EFHD2: variants seen among roughly 807,000 people sequenced by gnomAD.
EFHD2 encodes the protein EF-hand domain family member D2, also known as EF-hand domain-containing protein D2.
A neutral mutation model predicts 20.3 loss-of-function variants in EFHD2; 12 were observed. The ratio of observed to expected loss-of-function variants is 0.59; its 90% confidence interval spans 0.38 to 0.96. The LOEUF (loss-of-function observed/expected upper bound fraction) is 0.96. EFHD2 is among the 40% of genes least tolerant of loss of function. EFHD2 has a pLI of 0.00. For missense variants in EFHD2, 250 were observed against 334.3 expected (o/e 0.75, Z 1.97); for synonymous variants, 131 against 143.9 (o/e 0.91, Z 0.64).
intron 1 of EFHD2, among the ~76,000 whole-genome samples, chr1:15,414,899 T>C (rs554704593): frequency 1.3e-5 from 2 of 152,200 alleles, no homozygotes; most frequent in East Asian, 3.9e-4. Flanking sequence ...GGGTGCACAA[T>C]GGGGATTCCC....
intron 1 of EFHD2, among the ~76,000 whole-genome samples, chr1:15,412,552 G>A (rs1039768586): frequency 7.2e-5 from 11 of 152,070 alleles, no homozygotes; most frequent in African/African-American, 2.7e-4. Flanking sequence ...TCCAACACCC[G>A]CTTCCGTGTT....
rs568513087 is a variant in EFHD2 at position 15,426,075 on chromosome 1, G to A, written c.456+57G>A. The A allele has an allele frequency of 2.0e-6, 3 of 1,498,364 alleles. No individual in the cohort carries two copies. The highest frequency in any genetic ancestry group is 1.8e-6 in the Non-Finnish European group (2 of 1,125,348). 92.8% of individuals were successfully genotyped at this position (1,498,364 alleles called of 1,614,324 possible). ...CAGGGGCTTCACCTGAGGACCTGGT[G>A]GCCCGGGAGAGACCAACCCCCACCC... On this transcript the variant is annotated intron_variant, in intron 2 of 3. Transcript: ENST00000375980. This position sits in a 1 kb window ranked among gnomAD's most constrained non-coding sequence, Gnocchi z 4.6.
At chr1:15,424,558 C>G (rs1042503851) in intron 1 of EFHD2, among the ~76,000 whole-genome samples, 12 of 152,168 alleles carry the variant, frequency 7.9e-5, no homozygotes, top group Non-Finnish European at 1.5e-4. Flanking sequence ...CCCGGCTTCC[C>G]CACCACCCCG....
At chr1:15,427,341 G>T in intron 3 of EFHD2, 57 bp downstream of exon 3, 1 of 1,559,762 alleles carries the variant, frequency 6.4e-7, no homozygotes, top group South Asian at 1.2e-5. Flanking sequence ...ACCCTGGGTT[G>T]GTGCGAAGTT....
intron 3 of EFHD2, among the ~76,000 whole-genome samples, 193 bp from the exon 4 acceptor site, chr1:15,428,400 G>A (rs1172686470): frequency 6.6e-6 from 1 of 152,222 alleles, no homozygotes; most frequent in East Asian, 1.9e-4. Flanking sequence ...AAGAGGCTGA[G>A]GCAGGAGAAT....
intron 1 of EFHD2, among the ~76,000 whole-genome samples, chr1:15,416,992 G>A (rs762802781): frequency 2.8e-4 from 42 of 151,630 alleles, no homozygotes; most frequent in Middle Eastern, 3.2e-3. Flanking sequence ...TTTTATTTTT[G>A]TAGAGATGGG....
chr1:15,410,357 C>G, intron 1 of EFHD2, 78 bp downstream of exon 1: 1 of 1,451,890 alleles, frequency 6.9e-7, no homozygotes, highest in Non-Finnish European at 9.1e-7. Context: ...TCCCCGGATC[C>G]CGCTCCGCCC....
chr1:15,423,191 G>A (rs1364087837), intron 1 of EFHD2, among the ~76,000 whole-genome samples: 3 of 152,342 alleles, frequency 2.0e-5, no homozygotes, highest in Non-Finnish European at 4.4e-5. Context: ...CTGGACCACA[G>A]CAGCTTTGGC....
intron 3 of EFHD2, among the ~76,000 whole-genome samples, chr1:15,428,264 G>A (rs1231788166): frequency 1.3e-5 from 2 of 152,116 alleles, no homozygotes; most frequent in East Asian, 1.9e-4. Flanking sequence ...AGGCTGAGGC[G>A]GGTGGATCAC....
rs2473352 is a variant in EFHD2 at position 15,417,958 on chromosome 1, G to A, written c.308+7679G>A. Among the ~76,000 whole-genome samples the A allele has an allele frequency of 1.6e-3, 249 of 151,616 alleles. 1 individual carries two copies. Among genetic ancestry groups the A allele is most frequent in the African/African-American group, 5.7e-3 (236 of 41,244 alleles). On this transcript the variant is annotated intron_variant, in intron 1 of 3. Coordinates refer to ENST00000375980, the MANE Select transcript of EFHD2 (RefSeq NM_024329.6). ...CAGTGCAGCTTGGGGGCACCTGCAC[G>A]AGGAGCAACTTTCTTTCTTTTTCTT...
At position 15,427,139 on chromosome 1, in the gene EFHD2, C is replaced by A. The variant is rs1271457265; in HGVS notation, c.457-11C>A. The A allele has an allele frequency of 2.5e-6, 4 of 1,610,864 alleles. No homozygotes were observed. Among genetic ancestry groups the A allele is most frequent in the Non-Finnish European group, 3.4e-6 (4 of 1,178,654 alleles). ...CCTTCCTGACACCGCGCGCCTCCCT[C>A]CCCGCTGCAGTTCCTCCTGATCTTC... On this transcript the variant is annotated splice_polypyrimidine_tract_variant and intron_variant, in intron 2 of 3. Transcript: ENST00000375980.
rs188782434 is a variant in EFHD2 at position 15,428,862 on chromosome 1, G to A, written c.*138G>A. ...CTAAAAATATCTGTGAATGGAGCAA[G>A]TTCAGGGGTCTTATGGAGGTGGCCC... is the stretch of plus-strand genomic sequence containing the variant. On this transcript the variant is annotated 3_prime_UTR_variant, in exon 4 of 4. Transcript: ENST00000375980. 2.6e-4 allele frequency: 341 copies of A among 1,336,002 alleles called. 1 individual carries two copies. In the African/African-American group the frequency reaches 4.6e-3, roughly 18 times the overall value. 82.8% of individuals were successfully genotyped at this position (1,336,002 alleles called of 1,614,324 possible).
intron 1 of EFHD2, among the ~76,000 whole-genome samples, chr1:15,423,575 G>A (rs1318941763): frequency 6.6e-6 from 1 of 152,188 alleles, no homozygotes; most frequent in Non-Finnish European, 1.5e-5. Context: ...GTGACTGTGG[G>A]TGGGTCACTT....
chr1:15,410,666 A>G (rs1216291950), intron 1 of EFHD2, among the ~76,000 whole-genome samples: 1 of 134,876 alleles, frequency 7.4e-6, no homozygotes, highest in Non-Finnish European at 1.6e-5. Context: ...CTTCTCCACC[A>G]CCCCACACCG....
At chr1:15,428,065 G>C (rs1473860489) in intron 3 of EFHD2, 3 of 453,882 alleles carry the variant, frequency 6.6e-6, no homozygotes, top group East Asian at 7.1e-5. Flanking sequence ...TTGGGTGCCA[G>C]GTTCTAAGTG....
intron 2 of EFHD2, 85 bp from the exon 3 acceptor site, chr1:15,427,065 A>C: frequency 6.5e-7 from 1 of 1,535,388 alleles, no homozygotes; most frequent in South Asian, 1.3e-5. Flanking sequence ...GGGAGGCCTG[A>C]GGCTGGGGCC....
In EFHD2 at chr1:15,417,189, G is replaced by A. The variant is rs531445900; in HGVS notation, c.308+6910G>A. 3.3e-5 allele frequency among the ~76,000 whole-genome samples: 5 copies of A among 152,286 alleles called. No homozygotes were observed. The East Asian group carries it at 5.8e-4, about 18-fold the overall frequency. The stretch of plus-strand genomic sequence containing the variant: ...GCGCTAAGCCTCGGCTCAGGCCCCC[G>A]CACAGCCGTCTCCCCACCACTTCCT... On this transcript the variant is annotated intron_variant, in intron 1 of 3. Coordinates refer to ENST00000375980, the MANE Select transcript of EFHD2 (RefSeq NM_024329.6).
chr1:15,427,129 G>C, intron 2 of EFHD2, 21 bp from the exon 3 acceptor site: 1 of 1,609,272 alleles, frequency 6.2e-7, no homozygotes, highest in Non-Finnish European at 8.5e-7. Flanking sequence ...CTGACACCGC[G>C]CGCCTCCCTC....
chr1:15,410,684 C>G (rs1460694987), intron 1 of EFHD2, among the ~76,000 whole-genome samples: 2 of 152,020 alleles, frequency 1.3e-5, no homozygotes, highest in Non-Finnish European at 2.9e-5. Flanking sequence ...CCGCACACAC[C>G]GAGGCTGAGG....
Sources: allele counts gnomAD v4.1 joint callset (sites outside exome capture counted in the v4.1 genomes callset), GRCh38; gene constraint gnomAD v4.1.1; non-coding constraint Gnocchi (gnomAD v3.1); transcripts MANE v1.5; gene names NCBI Gene and HGNC (gene_info 2026-07-23, HGNC 2026-07-21).